Variants in ENO2 observed in about 807,000 individuals in gnomAD.
ENO2 encodes the protein enolase 2, also known as gamma-enolase.
A neutral mutation model predicts 48.7 loss-of-function variants in ENO2; 19 were observed. The observed-to-expected ratio is 0.39, with a 90% confidence interval of 0.27 to 0.57. The LOEUF (loss-of-function observed/expected upper bound fraction) is 0.57, where lower values mean the gene tolerates loss of function less well. Ranked by LOEUF, ENO2 falls within the 20% of genes least tolerant of loss-of-function variation. ENO2 has a pLI of 0.58. For synonymous variants in ENO2, 198 were observed against 213.4 expected (o/e 0.93, Z 0.63); for missense variants, 416 against 555.0 (o/e 0.75, Z 2.52).
At chr12:6,919,441 A>G (rs1396088038) in intron 7 of ENO2, 125 bp from the exon 8 acceptor site, 11 of 1,040,846 alleles carry the variant, frequency 1.1e-5, no homozygotes, top group African/African-American at 1.6e-5. Flanking sequence ...TAACCCCAAC[A>G]GCATCCCCGC....
At chr12:6,919,841 C>T in intron 8 of ENO2, 78 bp downstream of exon 8, 3 of 1,496,806 alleles carry the variant, frequency 2.0e-6, no homozygotes, top group Non-Finnish European at 2.7e-6. Flanking sequence ...TTATGGGGTG[C>T]TGACTCAGGC....
Position 6,916,505 on chromosome 12 carries a change from A to T in ENO2, c.174A>T (p.Leu58Phe), listed in dbSNP as rs535002011. Residue 58 changes from leucine (L) to phenylalanine (F), a missense_variant, in exon 3 of 12, where the codon TTA (leucine) becomes TTT (phenylalanine). Coordinates refer to ENST00000229277, the MANE Select transcript of ENO2 (RefSeq NM_001975.3). The surrounding 1 kb of genome is among the most constrained non-coding windows in gnomAD (Gnocchi z 4.5). ...ELRDGDKQRYLGKGVLKAVDH... is the reference protein window; with the variant it reads ...ELRDGDKQRYFGKGVLKAVDH... ...GGGATGGAGACAAACAGCGTTACTT[A>T]GGCAAAGGTGAGGTCCCTTCTCTTT... 6.2e-7 allele frequency: 1 copy of T among 1,614,014 alleles called. No individual in the cohort carries two copies. The highest frequency in any genetic ancestry group is 1.1e-5 in the South Asian group (1 of 91,062).
intron 1 of ENO2, 23 bp from the exon 2 acceptor site, chr12:6,915,794 CTCCT>C (rs1945285251): frequency 1.3e-6 from 2 of 1,497,558 alleles, no homozygotes; most frequent in Non-Finnish European, 9.1e-7. Flanking sequence ...TCTTATCTTT[CTCCT>C]TCCTTCCCTT....
chr12:6,917,258 T>C (rs182444489), intron 5 of ENO2, 151 bp downstream of exon 5: 391 of 989,302 alleles, frequency 4.0e-4, no homozygotes, highest in Admixed American at 7.1e-4. Flanking sequence ...GAGATGAGTT[T>C]AGCTGCAGAG....
rs1433078398 is a variant in ENO2, at chr12:6,922,870, A to T, written c.*70A>T. Reference sequence around the variant, plus strand: ...TGGAACCTTGCTGTCCTGATCTGTGATAGTTCACCCCCTGAGATCCCCTGA... The same window carrying T: ...TGGAACCTTGCTGTCCTGATCTGTGTTAGTTCACCCCCTGAGATCCCCTGA... On this transcript the variant is annotated 3_prime_UTR_variant, in exon 12 of 12. Coordinates refer to ENST00000229277, the MANE Select transcript of ENO2 (RefSeq NM_001975.3). The surrounding 1 kb of genome is among the most constrained non-coding windows in gnomAD (Gnocchi z 5.3). 5.1e-6 allele frequency: 8 copies of T among 1,564,544 alleles called. No individual in the cohort carries two copies. The highest frequency in any genetic ancestry group is 7.0e-6 in the Non-Finnish European group (8 of 1,137,578).
Position 6,922,128 on chromosome 12 carries a change from C to A in ENO2, c.1140C>A (p.Phe380Leu), listed in dbSNP as rs1555142183. The A allele has an allele frequency of 6.2e-7, 1 of 1,614,074 alleles. No individual in the cohort carries two copies. The highest frequency in any genetic ancestry group is 2.2e-5 in the East Asian group (1 of 44,880). The change falls in exon 10 of 12, where the codon TTC (phenylalanine) becomes TTA (leucine). Residue 380 changes from phenylalanine to leucine, a missense_variant. Physicochemically the swap from Phe to Leu is conservative, Grantham distance 22. Coordinates refer to ENST00000229277, the MANE Select transcript of ENO2 (RefSeq NM_001975.3). This position sits in a 1 kb window ranked among gnomAD's most constrained non-coding sequence, Gnocchi z 5.3. The part of the protein sequence containing the change: ...SHRSGETEDT[F>L]IADLVVGLCT... ...GCTCAGGAGAGACTGAGGACACATT[C>A]ATTGCTGACCTGGTGGTGGGGCTGT...
At position 6,914,912 on chromosome 12, in the gene ENO2, C is replaced by T. The variant is rs1309178086; in HGVS notation, c.-13+253C>T. On this transcript the variant is annotated intron_variant, in intron 1 of 11. Transcript: ENST00000229277. The surrounding 1 kb of genome is among the most constrained non-coding windows in gnomAD (Gnocchi z 7.1). ...CCTTGCCTGCCTCTCTCCCGGTGCT[C>T]GCCCTCATCTACGGTTCTATTTGTT... 1.3e-5 allele frequency among the ~76,000 whole-genome samples: 2 copies of T among 152,202 alleles called. No individual in the cohort carries two copies. Among genetic ancestry groups the T allele is most frequent in the African/African-American group, 4.8e-5 (2 of 41,448 alleles).
At chr12:6,920,717 CTTTTTTT>C (rs781865832) in intron 8 of ENO2, among the ~76,000 whole-genome samples, 47 of 95,152 alleles carry the variant, frequency 4.9e-4, no homozygotes, top group Middle Eastern at 8.6e-3. Context: ...TTTTAATTAA[CTTTTTTT>C]TTTTTTTTTT....
chr12:6,917,853 TG>T lies in ENO2; in HGVS notation c.445-82del, dbSNP rs1296674715. ...GGACGTGAGACTTAGTCCGGAAAGC[TG>T]GGGGAAGTTTGGGATCTTGGGTTAA... is the stretch of plus-strand genomic sequence containing the variant. On this transcript the variant is annotated intron_variant, in intron 6 of 11. Transcript: ENST00000229277. 9.2e-6 allele frequency: 13 copies of T among 1,419,368 alleles called. No individual in the cohort carries two copies. In the East Asian group the frequency reaches 3.8e-4, roughly 42 times the overall value. The allele number at this position is 1,419,368 out of a possible 1,614,324, so 87.9% of individuals were successfully genotyped here.
Position 6,918,015 on chromosome 12 carries a change from G to A in ENO2, c.520G>A (p.Gly174Arg), listed in dbSNP as rs1945307660. 6.2e-7 allele frequency: 1 copy of A among 1,614,030 alleles called. No homozygotes were observed. The highest frequency in any genetic ancestry group is 1.7e-5 in the Admixed American group (1 of 60,000). ...GCAGGAGTTCATGATCCTCCCAGTG[G>A]GAGCTGAGAGCTTTCGGGATGCCAT... Reference protein sequence around the residue: ...AMQEFMILPVGAESFRDAMRL... With the variant: ...AMQEFMILPVRAESFRDAMRL... Residue 174 changes from glycine (G) to arginine (R), a missense_variant, in exon 7 of 12, where the codon GGA becomes AGA. By Grantham distance (125) the Gly-to-Arg change is moderately radical. Transcript: ENST00000229277.
chr12:6,920,057 G>A (rs1945326400), intron 8 of ENO2, among the ~76,000 whole-genome samples: 1 of 152,164 alleles, frequency 6.6e-6, no homozygotes, highest in Admixed American at 6.5e-5. Context: ...TGATATGAGT[G>A]TGACTGGATC....
chr12:6,916,982 C>T lies in ENO2; in HGVS notation c.241-56C>T. On this transcript the variant is annotated intron_variant, in intron 4 of 11. Coordinates refer to ENST00000229277, the MANE Select transcript of ENO2 (RefSeq NM_001975.3). The surrounding 1 kb of genome is among the most constrained non-coding windows in gnomAD (Gnocchi z 4.5). Reference sequence around the variant, plus strand: ...GCTTGGGTGTGAATGAGGGGACCCTCTGCCTTAGGGCTCAGCCTCCAGCCT... The same window carrying T: ...GCTTGGGTGTGAATGAGGGGACCCTTTGCCTTAGGGCTCAGCCTCCAGCCT... 6.2e-7 allele frequency: 1 copy of T among 1,609,970 alleles called. No individual in the cohort carries two copies. The highest frequency in any genetic ancestry group is 8.5e-7 in the Non-Finnish European group (1 of 1,177,202).
chr12:6,919,842 T>C, intron 8 of ENO2, 79 bp downstream of exon 8: 2 of 1,484,738 alleles, frequency 1.3e-6, no homozygotes, highest in Non-Finnish European at 1.9e-6. Context: ...TATGGGGTGC[T>C]GACTCAGGCA....
In ENO2 at chr12:6,915,591, C is replaced by CCACTGCAGTGACCTCCCCTTCCT. The variant is rs1555141484; in HGVS notation, c.-12-222_-12-200dup. 2.0e-5 allele frequency: 11 copies of CCACTGCAGTGACCTCCCCTTCCT among 546,568 alleles called. No individual in the cohort carries two copies. In the Admixed American group the frequency reaches 3.1e-4, roughly 15 times the overall value. 33.9% of individuals were successfully genotyped at this position (546,568 alleles called of 1,614,324 possible). ...TCATCATTTGATCTTACCCCGCCCC[C>CCACTGCAGTGACCTCCCCTTCCT]CACTGCAGTGACCTCCCCTTCCTCA... On this transcript the variant is annotated intron_variant, in intron 1 of 11. Coordinates refer to ENST00000229277, the MANE Select transcript of ENO2 (RefSeq NM_001975.3).
intron 7 of ENO2, among the ~76,000 whole-genome samples, chr12:6,919,326 A>T (rs1945319514): frequency 6.6e-6 from 1 of 152,170 alleles, no homozygotes; most frequent in Admixed American, 6.5e-5. Context: ...AATATATATA[A>T]AATGCTTAGA....
intron 5 of ENO2, 132 bp downstream of exon 5, chr12:6,917,239 G>A: frequency 1.8e-6 from 2 of 1,137,818 alleles, no homozygotes; most frequent in Non-Finnish European, 2.5e-6. Flanking sequence ...CTCAAAGCCA[G>A]AGCAAGGGGA....
Position 6,922,675 on chromosome 12 carries a change from A to G in ENO2, c.1236-56A>G. The G allele has an allele frequency of 1.3e-6, 2 of 1,597,310 alleles. No homozygotes were observed. Among genetic ancestry groups the G allele is most frequent in the South Asian group, 2.2e-5 (2 of 90,728 alleles). On this transcript the variant is annotated intron_variant, in intron 11 of 11. Coordinates refer to ENST00000229277, the MANE Select transcript of ENO2 (RefSeq NM_001975.3). This position sits in a 1 kb window ranked among gnomAD's most constrained non-coding sequence, Gnocchi z 5.3. Reference sequence around the variant, plus strand: ...TGGAGTCTGGGGGACCCCTAGAGAGAGAAGCAGGATCCTCCTGCATCCCTG... The same window carrying G: ...TGGAGTCTGGGGGACCCCTAGAGAGGGAAGCAGGATCCTCCTGCATCCCTG...
In ENO2 at chr12:6,918,056, G is replaced by A. The variant is rs782248959; in HGVS notation, c.561G>A (p.Glu187=). 1 of 1,614,194 alleles carries A rather than the reference G, an allele frequency of 6.2e-7. No homozygotes were observed. The highest frequency in any genetic ancestry group is 8.5e-7 in the Non-Finnish European group (1 of 1,180,028). ...GGGATGCCATGCGACTAGGTGCAGA[G>A]GTCTACCATACACTCAAGGGAGTCA... ...SFRDAMRLGA[E]VYHTLKGVIK... Residue 187 remains glutamate, a synonymous_variant, in exon 7 of 12, where the codon GAG becomes GAA. Transcript: ENST00000229277.
rs117804085 is a variant in ENO2, at chr12:6,916,584, T to C, written c.181+72T>C. On this transcript the variant is annotated intron_variant, in intron 3 of 11. Coordinates refer to ENST00000229277, the MANE Select transcript of ENO2 (RefSeq NM_001975.3). The surrounding 1 kb of genome is among the most constrained non-coding windows in gnomAD (Gnocchi z 4.5). The stretch of plus-strand genomic sequence containing the variant: ...GCCCCTACCTCACACCAGTCCCCAG[T>C]CCTCCTCTAGCATGGCTTCCCCTCC... 29,943 of 1,610,994 alleles carry C rather than the reference T, an allele frequency of 0.019. 361 individuals carry two copies. The highest frequency in any genetic ancestry group is 0.045 in the Middle Eastern group (268 of 5,994).
Sources: gnomAD v4.1 joint callset for allele counts (sites outside exome capture counted in the v4.1 genomes callset) on GRCh38, gnomAD v4.1.1 for gene constraint, Gnocchi (gnomAD v3.1) non-coding constraint, MANE v1.5 for transcripts, NCBI Gene and HGNC (gene_info 2026-07-23, HGNC 2026-07-21) for gene names.